The following ANO6 variants were observed in gnomAD, a reference collection of about 807,000 sequenced individuals.
ANO6 encodes the protein anoctamin-6.
Under a neutral mutation model 117.5 loss-of-function variants are expected in ANO6, and 106 were observed. The observed-to-expected ratio is 0.90, with a 90% CI of 0.77 to 1.06. The LOEUF (loss-of-function observed/expected upper bound fraction) is 1.06. Among genes scored for constraint, ANO6 ranks in the 50% least tolerant of loss-of-function variants. The pLI, the probability that ANO6 is intolerant of heterozygous loss-of-function variation, is 0.00. For missense variants in ANO6, 955 were observed against 1,121.1 expected (o/e 0.85, Z 2.12); for synonymous variants, 367 against 385.1 (o/e 0.95, Z 0.55).
At chr12:45,291,358 A>AC (rs34515365) in intron 1 of ANO6, among the ~76,000 whole-genome samples, 7,213 of 149,640 alleles carry the variant, frequency 0.048, 443 homozygotes, top group East Asian at 0.32. Context: ...AAAAAAAAAA[A>AC]AAAAAAAAAA....
chr12:45,251,945 T>C (rs1047468703), intron 1 of ANO6, among the ~76,000 whole-genome samples: 1 of 152,206 alleles, frequency 6.6e-6, no homozygotes, highest in African/African-American at 2.4e-5. Flanking sequence ...ACCTGTTCAT[T>C]CTCCGATATA....
intron 9 of ANO6, 146 bp from the exon 10 acceptor site, chr12:45,377,907 A>G (rs1593038237): frequency 1.3e-6 from 1 of 767,532 alleles, no homozygotes; most frequent in Non-Finnish European, 2.3e-6. Context: ...GATACATTGA[A>G]TGATGTATGA....
At chr12:45,367,154 G>C (rs1467471339) in intron 8 of ANO6, among the ~76,000 whole-genome samples, 1 of 152,080 alleles carries the variant, frequency 6.6e-6, no homozygotes, top group African/African-American at 2.4e-5. Context: ...GCTAATTTTT[G>C]TATTTTTAGT....
intron 1 of ANO6, among the ~76,000 whole-genome samples, chr12:45,240,997 T>G (rs1947734100): frequency 1.3e-5 from 2 of 152,212 alleles, no homozygotes; most frequent in Admixed American, 1.3e-4. Flanking sequence ...TTCCTTCATT[T>G]CAACCTTGGT....
At chr12:45,369,628 A>C (rs1213617739) in intron 9 of ANO6, among the ~76,000 whole-genome samples, 1 of 152,182 alleles carries the variant, frequency 6.6e-6, no homozygotes, top group Non-Finnish European at 1.5e-5. Context: ...AAATGGAAAA[A>C]AAAAAGTTTG....
intron 2 of ANO6, among the ~76,000 whole-genome samples, chr12:45,318,137 A>G (rs569451899): frequency 6.6e-4 from 101 of 152,244 alleles, no homozygotes; most frequent in African/African-American, 1.9e-3. Context: ...ATTAGATCCC[A>G]TTTGTCAATT....
At chr12:45,377,181 C>G (rs1942050528) in intron 9 of ANO6, among the ~76,000 whole-genome samples, 1 of 151,542 alleles carries the variant, frequency 6.6e-6, no homozygotes, top group Non-Finnish European at 1.5e-5. Flanking sequence ...CTACCCAGTC[C>G]CTGTCCTTTT....
chr12:45,361,284 A>G (rs147800348), intron 8 of ANO6, among the ~76,000 whole-genome samples: 5 of 152,128 alleles, frequency 3.3e-5, no homozygotes, highest in African/African-American at 9.6e-5. Flanking sequence ...TTCTAAGTAC[A>G]TTGTTCTTTT....
chr12:45,350,630 G>C (rs762820199), intron 6 of ANO6, 29 bp from the exon 7 acceptor site: 1 of 1,539,792 alleles, frequency 6.5e-7, no homozygotes, highest in South Asian at 1.1e-5. Context: ...GATGATTATG[G>C]TGCTTACATG....
chr12:45,356,979 T>C (rs181441889), intron 7 of ANO6, among the ~76,000 whole-genome samples: 4 of 152,354 alleles, frequency 2.6e-5, no homozygotes, highest in Admixed American at 2.6e-4. Context: ...AAAATAGTGC[T>C]GGTCTTTACA....
intron 10 of ANO6, among the ~76,000 whole-genome samples, chr12:45,385,126 C>T (rs1470765614): frequency 6.6e-6 from 1 of 152,112 alleles, no homozygotes; most frequent in Non-Finnish European, 1.5e-5. Flanking sequence ...TGTCGTAGTG[C>T]TTCTGCTATG....
chr12:45,347,189 C>G, intron 4 of ANO6, 102 bp downstream of exon 4: 1 of 1,089,350 alleles, frequency 9.2e-7, no homozygotes, highest in Non-Finnish European at 1.4e-6. Context: ...CAGCCCTGGC[C>G]ACATCTTAGT....
chr12:45,260,444 G>A (rs998164274), intron 1 of ANO6, among the ~76,000 whole-genome samples: 2 of 152,208 alleles, frequency 1.3e-5, no homozygotes, highest in Admixed American at 6.5e-5. Flanking sequence ...AACAATGTTG[G>A]CAATTGCAAG....
At chr12:45,218,230 G>A (rs1947345260) in intron 1 of ANO6, among the ~76,000 whole-genome samples, 2 of 152,034 alleles carry the variant, frequency 1.3e-5, no homozygotes, top group South Asian at 4.2e-4. Flanking sequence ...TGGGGCCCTG[G>A]GGTCTCTACT....
At chr12:45,338,099 GA>G (rs1221619901) in intron 3 of ANO6, among the ~76,000 whole-genome samples, 1 of 152,028 alleles carries the variant, frequency 6.6e-6, no homozygotes, top group Non-Finnish European at 1.5e-5. Context: ...AGAAGTTAGA[GA>G]TCAGCTGCAA....
intron 19 of ANO6, among the ~76,000 whole-genome samples, chr12:45,428,143 A>G (rs1943549707): frequency 6.6e-6 from 1 of 152,176 alleles, no homozygotes; most frequent in African/African-American, 2.4e-5. Context: ...ATGCTCTAGG[A>G]TTCAAGCACA....
rs1421296989 is a variant in ANO6 at position 45,309,353 on chromosome 12, GT to G, written c.150+7262del. ...ATTATAGACTTTAGGAAGCTTTGGGGTTGTATTCTATTCACATGGACCTGAA... is the reference window on the plus strand; with the variant it reads ...ATTATAGACTTTAGGAAGCTTTGGGGTGTATTCTATTCACATGGACCTGAA... On this transcript the variant is annotated intron_variant, in intron 2 of 19. Coordinates refer to ENST00000320560, the MANE Select transcript of ANO6 (RefSeq NM_001025356.3). Among the ~76,000 whole-genome samples the G allele has an allele frequency of 3.3e-5, 5 of 152,186 alleles. No individual in the cohort carries two copies. In the East Asian group the frequency reaches 7.8e-4, roughly 24 times the overall value.
intron 1 of ANO6, among the ~76,000 whole-genome samples, chr12:45,276,752 C>T (rs77246441): frequency 0.017 from 2,654 of 152,244 alleles, 56 homozygotes; most frequent in East Asian, 0.086. Flanking sequence ...GCATCTAGCA[C>T]GTGCCTGGCA....
intron 13 of ANO6, 147 bp downstream of exon 13, chr12:45,402,167 T>C (rs1942808869): frequency 3.0e-6 from 2 of 677,626 alleles, no homozygotes; most frequent in African/African-American, 3.6e-5. Flanking sequence ...CTAGCATGTA[T>C]GGAAATAAAT....
Sources: allele counts gnomAD v4.1 joint callset (sites outside exome capture counted in the v4.1 genomes callset), GRCh38; gene constraint gnomAD v4.1.1; transcripts MANE v1.5; gene names NCBI Gene and HGNC (gene_info 2026-07-23, HGNC 2026-07-21).